The following DDX6 variants were observed in gnomAD, a reference collection of about 807,000 sequenced individuals.
The protein encoded by DDX6 is probable ATP-dependent RNA helicase DDX6.
In DDX6, 7 loss-of-function variants were observed where a neutral mutation model predicts 60.6. The observed-to-expected ratio is 0.12, with a 90% CI of 0.07 to 0.22. The LOEUF is 0.22. Among genes scored for constraint, DDX6 ranks in the 10% least tolerant of loss-of-function variants. DDX6 has a pLI of 1.00. For missense variants in DDX6, 270 were observed against 589.9 expected (o/e 0.46, Z 5.62); for synonymous variants, 207 against 201.0 (o/e 1.03, Z -0.25).
rs1299855162 is a variant in DDX6 at position 118,751,054 on chromosome 11, AATATATATATATGTATATAT to A, written c.*1031_*1050del. On this transcript the variant is annotated 3_prime_UTR_variant, in exon 14 of 14. Coordinates refer to ENST00000534980, the MANE Select transcript of DDX6 (RefSeq NM_004397.6). ...TCCCAGCAACCTTCATCCAAAAAAAAATATATATATATGTATATATATATATATATATGAACCCAGAAAAA... is the reference window on the plus strand; with the variant it reads ...TCCCAGCAACCTTCATCCAAAAAAAAATATATATATATGAACCCAGAAAAA... The A allele has an allele frequency of 1.5e-5, 2 of 135,010 alleles. No homozygotes were observed. The highest frequency in any genetic ancestry group is 3.2e-5 in the Non-Finnish European group (2 of 62,434). The allele number at this position is 135,010 out of a possible 1,614,324, so 8.4% of individuals were successfully genotyped here.
At chr11:118,783,137 C>A (rs1861957545) in intron 2 of DDX6, among the ~76,000 whole-genome samples, 1 of 151,916 alleles carries the variant, frequency 6.6e-6, no homozygotes, top group Non-Finnish European at 1.5e-5. Context: ...TTCTGAGACA[C>A]TTGATGGGAT....
At chr11:118,789,169 G>C (rs1233350393) in intron 1 of DDX6, 1 of 150,712 alleles carries the variant, frequency 6.6e-6, no homozygotes, top group Non-Finnish European at 1.5e-5. Flanking sequence ...GCCGCCTCCT[G>C]GGTTCAAGCG....
chr11:118,766,135 T>C (rs1166243071), intron 5 of DDX6, among the ~76,000 whole-genome samples: 2 of 151,738 alleles, frequency 1.3e-5, no homozygotes, highest in African/African-American at 4.8e-5. Flanking sequence ...TATTAAAAAA[T>C]TGGGCTGGGC....
chr11:118,773,762 G>C (rs1219625949), intron 4 of DDX6, among the ~76,000 whole-genome samples: 1 of 151,590 alleles, frequency 6.6e-6, no homozygotes, highest in Non-Finnish European at 1.5e-5. Context: ...GCTGAGGCAG[G>C]AGAACTGCTT....
intron 7 of DDX6, among the ~76,000 whole-genome samples, chr11:118,761,039 C>G (rs1362321622): frequency 6.6e-6 from 1 of 151,880 alleles, no homozygotes; most frequent in Non-Finnish European, 1.5e-5. Context: ...ACTCAGGAGG[C>G]TGAGGCAGAA....
intron 6 of DDX6, among the ~76,000 whole-genome samples, chr11:118,764,004 C>G (rs1861265107): frequency 6.6e-6 from 1 of 152,012 alleles, no homozygotes; most frequent in South Asian, 2.1e-4. Context: ...GTACAGCTTC[C>G]TAAATCACCT....
intron 4 of DDX6, among the ~76,000 whole-genome samples, chr11:118,774,459 A>G (rs1861633503): frequency 1.4e-5 from 2 of 141,410 alleles, no homozygotes; most frequent in Admixed American, 1.6e-4. Flanking sequence ...TAATTCTCTA[A>G]CAGTCTTTTT....
At chr11:118,779,821 GA>G (rs1555164310) in intron 3 of DDX6, 85 bp from the exon 4 acceptor site, 1 of 1,062,216 alleles carries the variant, frequency 9.4e-7, no homozygotes, top group Non-Finnish European at 1.4e-6. Flanking sequence ...CTGTGTTTAA[GA>G]AAATTTATCT....
At chr11:118,777,734 C>CA (rs1281661998) in intron 4 of DDX6, among the ~76,000 whole-genome samples, 3 of 151,764 alleles carry the variant, frequency 2.0e-5, no homozygotes, top group Non-Finnish European at 4.4e-5. Flanking sequence ...ACTAAAAATG[C>CA]AAAAATTAGT....
chr11:118,777,987 T>C (rs1044095779), intron 4 of DDX6, among the ~76,000 whole-genome samples: 29 of 149,490 alleles, frequency 1.9e-4, no homozygotes, highest in African/African-American at 5.4e-4. Flanking sequence ...AGAGCTTACA[T>C]TGGCCAGATC....
intron 9 of DDX6, among the ~76,000 whole-genome samples, chr11:118,758,041 TGA>T (rs1216320141): frequency 6.6e-6 from 1 of 152,182 alleles, no homozygotes; most frequent in African/African-American, 2.4e-5. Context: ...GTTCACAGTA[TGA>T]GAGCTAAACA....
chr11:118,773,693 A>G (rs1334433656), intron 4 of DDX6, among the ~76,000 whole-genome samples: 3 of 152,086 alleles, frequency 2.0e-5, no homozygotes, highest in Non-Finnish European at 2.9e-5. Context: ...ATTTCTAATT[A>G]TATCTCTAAT....
chr11:118,775,187 C>T (rs574524112), intron 4 of DDX6, among the ~76,000 whole-genome samples: 33 of 152,124 alleles, frequency 2.2e-4, no homozygotes, highest in South Asian at 4.1e-4. Flanking sequence ...TGCTGGTGCC[C>T]GCCTGTAATC....
chr11:118,767,767 G>C (rs895960327), intron 5 of DDX6: 3 of 152,112 alleles, frequency 2.0e-5, no homozygotes, highest in Admixed American at 1.3e-4. Flanking sequence ...TGAGTAGCTG[G>C]GATTACAGTT....
At chr11:118,780,097 A>T (rs564937933) in intron 3 of DDX6, among the ~76,000 whole-genome samples, 1 of 124,508 alleles carries the variant, frequency 8.0e-6, no homozygotes, top group Non-Finnish European at 1.6e-5. Context: ...CTGGGGGGAC[A>T]GAGCCAGACT....
chr11:118,770,296 G>A (rs1555162231), intron 4 of DDX6, among the ~76,000 whole-genome samples: 1 of 152,090 alleles, frequency 6.6e-6, no homozygotes, highest in African/African-American at 2.4e-5. Context: ...CCAAAGTGTT[G>A]GGATTACAGG....
intron 6 of DDX6, 53 bp downstream of exon 6, chr11:118,765,156 C>T: frequency 3.8e-6 from 6 of 1,579,570 alleles, no homozygotes; most frequent in Admixed American, 3.5e-5. Context: ...TACTGAAATA[C>T]TTGTGACTAA....
At chr11:118,775,121 C>A (rs1555163367) in intron 4 of DDX6, among the ~76,000 whole-genome samples, 1 of 152,046 alleles carries the variant, frequency 6.6e-6, no homozygotes, top group Non-Finnish European at 1.5e-5. Flanking sequence ...TCAAGACCAA[C>A]CTGGACAACA....
rs782349877 is a variant in DDX6, at chr11:118,781,158, A to G, written c.227T>C (p.Leu76Ser). 2 of 1,606,676 alleles carry G rather than the reference A, an allele frequency of 1.2e-6. No individual in the cohort carries two copies. Among genetic ancestry groups the G allele is most frequent in the Non-Finnish European group, 1.7e-6 (2 of 1,175,632 alleles). Residue 76 changes from leucine (L) to serine (S), a missense_variant, in exon 3 of 14, where the codon TTA becomes TCA. By Grantham distance (145) the Leu-to-Ser change is moderately radical. This residue lies in a region of DDX6 where 102 missense variants were observed against 110.5 expected (regional missense o/e 0.92). Transcript: ENST00000534980. ...IKPGDDWKKT[L>S]KLPPKDLRIK... ...TCTTAGATCCTTTGGAGGGAGTTTT[A>G]AAGTCTTTTTCCAGTCATCACCAGG...
Sources: allele counts gnomAD v4.1 joint callset (sites outside exome capture counted in the v4.1 genomes callset), GRCh38; gene constraint gnomAD v4.1.1; regional missense constraint gnomAD v4.1.1; transcripts MANE v1.5; gene names NCBI Gene and HGNC (gene_info 2026-07-23, HGNC 2026-07-21).